Variants in PUM2 observed in about 807,000 individuals in gnomAD.
PUM2 encodes the protein pumilio RNA binding family member 2, also known as pumilio homolog 2.
In PUM2, 57 loss-of-function variants were observed where a neutral mutation model predicts 124.5. The ratio of observed to expected loss-of-function variants is 0.46; its 90% confidence interval spans 0.37 to 0.57. The LOEUF is 0.57. Ranked by LOEUF, PUM2 falls within the 20% of genes least tolerant of loss-of-function variation. The probability of loss-of-function intolerance (pLI) is 0.00; values close to 1 mark genes in which losing one functional copy is unlikely to be tolerated. For synonymous variants in PUM2, 460 were observed against 446.1 expected (o/e 1.03, Z -0.39); for missense variants, 1,065 against 1,290.6 (o/e 0.83, Z 2.68).
chr2:20,253,705 C>A (rs1231487641), intron 20 of PUM2, 117 bp downstream of exon 20: 3 of 963,804 alleles, frequency 3.1e-6, no homozygotes, highest in Non-Finnish European at 4.4e-6. Context: ...GGATATCCAT[C>A]GATTTTAATT....
intron 13 of PUM2, among the ~76,000 whole-genome samples, chr2:20,264,397 T>TATATATA (rs1667167553): frequency 9.2e-6 from 1 of 108,394 alleles, no homozygotes; most frequent in Non-Finnish European, 1.8e-5. Context: ...TATATATATA[T>TATATATA]TTGACATAAA....
At chr2:20,317,057 T>C (rs1572894445) in intron 3 of PUM2, among the ~76,000 whole-genome samples, 2 of 151,526 alleles carry the variant, frequency 1.3e-5, no homozygotes, top group African/African-American at 4.9e-5. Context: ...ATTAGCCAGA[T>C]GTGATGGTGT....
intron 8 of PUM2, among the ~76,000 whole-genome samples, chr2:20,297,289 G>A (rs1003360578): frequency 6.6e-6 from 1 of 152,120 alleles, no homozygotes; most frequent in Admixed American, 6.5e-5. Context: ...GGAGATTCAT[G>A]GTTGACTATA....
At chr2:20,334,115 A>AT (rs1391942958) in intron 1 of PUM2, among the ~76,000 whole-genome samples, 1 of 152,098 alleles carries the variant, frequency 6.6e-6, no homozygotes, top group African/African-American at 2.4e-5. Flanking sequence ...AGTCTCAGAC[A>AT]TTTTTAAATA....
chr2:20,342,128 C>CAAAA (rs776745768), intron 1 of PUM2, among the ~76,000 whole-genome samples: 1 of 94,442 alleles, frequency 1.1e-5, no homozygotes, highest in Non-Finnish European at 2.1e-5. Context: ...GACTCTGTCT[C>CAAAA]AAAAAAAAAA....
At chr2:20,344,630 A>G (rs938390751) in intron 1 of PUM2, among the ~76,000 whole-genome samples, 8 of 152,070 alleles carry the variant, frequency 5.3e-5, no homozygotes, top group African/African-American at 1.7e-4. Context: ...ACGGCTATTA[A>G]TCCCTCTGGC....
chr2:20,285,340 AGATT>A (rs1450380905), intron 10 of PUM2, among the ~76,000 whole-genome samples: 4 of 152,202 alleles, frequency 2.6e-5, no homozygotes, highest in Non-Finnish European at 5.9e-5. Context: ...CTGTGGTCTG[AGATT>A]GATATAAAAA....
rs748887683 is a variant in PUM2 at position 20,283,251 on chromosome 2, T to C, written c.1436-20A>G. 5 of 1,609,812 alleles carry C rather than the reference T, an allele frequency of 3.1e-6. No homozygotes were observed. The Admixed American group carries it at 6.7e-5, about 22-fold the overall frequency. On this transcript the variant is annotated intron_variant, in intron 11 of 20. Coordinates refer to ENST00000361078, the MANE Select transcript of PUM2 (RefSeq NM_015317.5). Reference sequence around the variant, plus strand: ...CTGCTGCTGTAAAATAAATTTCAGATACTTCTTTAAACCACCCAGAAAATT... The same window carrying C: ...CTGCTGCTGTAAAATAAATTTCAGACACTTCTTTAAACCACCCAGAAAATT...
chr2:20,339,100 A>C (rs904244648), intron 1 of PUM2, among the ~76,000 whole-genome samples: 5 of 152,224 alleles, frequency 3.3e-5, no homozygotes, highest in African/African-American at 1.2e-4. Context: ...TAAGCACTAA[A>C]AAATAAGTTA....
chr2:20,301,141 T>C (rs913488668), intron 7 of PUM2, among the ~76,000 whole-genome samples: 4 of 152,200 alleles, frequency 2.6e-5, no homozygotes, highest in African/African-American at 4.8e-5. Context: ...TAAAACTAAA[T>C]TGTGCCCCAA....
At chr2:20,343,595 A>G (rs1248957367) in intron 1 of PUM2, among the ~76,000 whole-genome samples, 1 of 152,136 alleles carries the variant, frequency 6.6e-6, no homozygotes, top group East Asian at 1.9e-4. Flanking sequence ...CCTTATTCCT[A>G]ACACTAAGCT....
At chr2:20,302,616 T>C (rs566429793) in intron 7 of PUM2, among the ~76,000 whole-genome samples, 2 of 152,322 alleles carry the variant, frequency 1.3e-5, no homozygotes, top group East Asian at 1.9e-4. Context: ...CAAAGTAATC[T>C]TGTTCAATGA....
chr2:20,280,838 G>T (rs1044316167), intron 12 of PUM2, among the ~76,000 whole-genome samples: 1 of 152,058 alleles, frequency 6.6e-6, no homozygotes, highest in Non-Finnish European at 1.5e-5. Context: ...ACTTTCAATT[G>T]TAACAACACT....
At chr2:20,260,734 CGT>C (rs1665986327) in intron 14 of PUM2, among the ~76,000 whole-genome samples, 1 of 152,074 alleles carries the variant, frequency 6.6e-6, no homozygotes, top group African/African-American at 2.4e-5. Context: ...AAGAAAATTA[CGT>C]AAATTTTGCT....
At chr2:20,328,452 C>G (rs1684181502) in intron 1 of PUM2, among the ~76,000 whole-genome samples, 1 of 152,052 alleles carries the variant, frequency 6.6e-6, no homozygotes, top group Non-Finnish European at 1.5e-5. Context: ...AATTACTAGA[C>G]AGGTGAGAAA....
rs1215173873 is a variant in PUM2 at position 20,283,096 on chromosome 2, T to A, written c.1571A>T (p.Tyr524Phe). The change falls in exon 12 of 21, where the codon TAT becomes TTT. Residue 524 changes from tyrosine (Y) to phenylalanine (F), a missense_variant. This residue lies in a region of PUM2 where 968 missense variants were observed against 1,159.8 expected (regional missense o/e 0.83). Coordinates refer to ENST00000361078, the MANE Select transcript of PUM2 (RefSeq NM_015317.5). ...GCTATTAGTCAAAGAACTGCTTCCA[T>A]AAAATGAATTAGATTGCAGATTAGT... ...PSTNLQSNSF[Y>F]GSSSLTNSSQ... 6.2e-7 allele frequency: 1 copy of A among 1,614,002 alleles called. No homozygotes were observed. The highest frequency in any genetic ancestry group is 1.3e-5 in the African/African-American group (1 of 74,922).
chr2:20,304,157 T>C (rs961042385), intron 7 of PUM2, among the ~76,000 whole-genome samples: 7 of 152,222 alleles, frequency 4.6e-5, no homozygotes, highest in African/African-American at 1.7e-4. Flanking sequence ...ACATGGTTAC[T>C]ACAACTCAAC....
Position 20,261,394 on chromosome 2 carries a change from CAAAA to C in PUM2, c.2226-932_2226-929del, listed in dbSNP as rs200294801. Among the ~76,000 whole-genome samples the C allele has an allele frequency of 2.9e-4, 22 of 76,766 alleles. 1 individual carries two copies. In the South Asian group the frequency reaches 3.4e-3, roughly 12 times the overall value. The allele number at this position is 76,766 out of a possible 152,430, so 50.4% of individuals were successfully genotyped here. A position where few individuals can be genotyped will look rare whatever the true frequency, so the allele number is the denominator to read the frequency against. On this transcript the variant is annotated intron_variant, in intron 14 of 20. Transcript: ENST00000361078. Reference sequence around the variant, plus strand: ...AAGCGACAGAGTGAGACTCTGTCTCCAAAAAAAAAAAAAAAAAAAAAAAAAAAAG... The same window carrying C: ...AAGCGACAGAGTGAGACTCTGTCTCCAAAAAAAAAAAAAAAAAAAAAAAAG...
chr2:20,282,437 T>C (rs1457465913), intron 12 of PUM2, among the ~76,000 whole-genome samples: 1 of 152,258 alleles, frequency 6.6e-6, no homozygotes, highest in Non-Finnish European at 1.5e-5. Context: ...GGATTCTGTG[T>C]AGAACATTTC....
Sources: allele counts gnomAD v4.1 joint callset (sites outside exome capture counted in the v4.1 genomes callset), GRCh38; gene constraint gnomAD v4.1.1; regional missense constraint gnomAD v4.1.1; transcripts MANE v1.5; gene names NCBI Gene and HGNC (gene_info 2026-07-23, HGNC 2026-07-21).